Variants in WASHC2C observed in about 807,000 individuals in gnomAD.
The protein encoded by WASHC2C is Vaccinia Penetration Factor.
In WASHC2C, 73 loss-of-function variants were observed where a neutral mutation model predicts 142.2. The observed-to-expected ratio is 0.51, with a 90% CI of 0.43 to 0.62. WASHC2C has a LOEUF of 0.62. WASHC2C is among the 20% of genes least tolerant of loss of function. The probability of loss-of-function intolerance (pLI) is 0.00; values close to 1 mark genes in which losing one functional copy is unlikely to be tolerated. For missense variants in WASHC2C, 969 were observed against 1,531.7 expected (o/e 0.63, Z 6.13); for synonymous variants, 337 against 565.5 (o/e 0.60, Z 5.73).
At chr10:45,758,855 T>C (rs1379312654) in intron 16 of WASHC2C, among the ~76,000 whole-genome samples, 1 of 149,714 alleles carries the variant, frequency 6.7e-6, no homozygotes, top group Non-Finnish European at 1.5e-5. Flanking sequence ...ATTTGGCCAG[T>C]GTGTGTGTCC....
At chr10:45,762,908 A>G (rs1433200396) in intron 17 of WASHC2C, among the ~76,000 whole-genome samples, 2 of 152,228 alleles carry the variant, frequency 1.3e-5, no homozygotes, top group African/African-American at 4.8e-5. Context: ...TCTGCCTCAA[A>G]AAAAAGAAAA....
chr10:45,731,356 G>A (rs2050558078), intron 3 of WASHC2C, among the ~76,000 whole-genome samples: 1 of 128,426 alleles, frequency 7.8e-6, no homozygotes, highest in African/African-American at 3.1e-5. Flanking sequence ...ATGTAGTTGG[G>A]ATTACAGGCT....
At chr10:45,780,571 A>G (rs1355850163) in intron 23 of WASHC2C, among the ~76,000 whole-genome samples, 1 of 152,196 alleles carries the variant, frequency 6.6e-6, no homozygotes, top group Non-Finnish European at 1.5e-5. Flanking sequence ...AAATGAAGCA[A>G]TCTGTATTTG....
chr10:45,779,983 CAAAAA>C (rs1212129330), intron 23 of WASHC2C, among the ~76,000 whole-genome samples: 2 of 68,996 alleles, frequency 2.9e-5, no homozygotes, highest in African/African-American at 5.2e-5. Flanking sequence ...GACTCCATCT[CAAAAA>C]AAAAAAAAAA....
rs1589974572 is a variant in WASHC2C, at chr10:45,788,970, A to G, written c.3187A>G (p.Arg1063Gly). The change falls in exon 29 of 31, where the codon AGA becomes GGA. Residue 1063 changes from arginine (R) to glycine (G), a missense_variant. Arg to Gly is a moderately radical substitution (Grantham distance 125). Transcript: ENST00000623400. ...CGAGGCTGAGGACATGAGCGTCCCCAGAGGACCCATTGCACAGTGGGCTGA... is the reference window on the plus strand; with the variant it reads ...CGAGGCTGAGGACATGAGCGTCCCCGGAGGACCCATTGCACAGTGGGCTGA... ...SSEAEDMSVP[R>G]GPIAQWADGA... 5.0e-6 allele frequency: 8 copies of G among 1,611,934 alleles called. No individual in the cohort carries two copies. In the East Asian group the frequency reaches 1.8e-4, roughly 36 times the overall value.
intron 19 of WASHC2C, among the ~76,000 whole-genome samples, chr10:45,766,895 T>C (rs1345342594): frequency 2.0e-5 from 3 of 152,196 alleles, no homozygotes; most frequent in African/African-American, 7.2e-5. Context: ...GAAGTGGATA[T>C]ATAAGTCATA....
At chr10:45,740,947 C>T (rs1256542855) in intron 5 of WASHC2C, among the ~76,000 whole-genome samples, 1 of 151,698 alleles carries the variant, frequency 6.6e-6, no homozygotes, top group African/African-American at 2.4e-5. Flanking sequence ...TGCCACAGAA[C>T]CAAACCCTTT....
At chr10:45,749,836 A>AAAAAAAATAT (rs1227809519) in intron 8 of WASHC2C, among the ~76,000 whole-genome samples, 1,378 of 101,498 alleles carry the variant, frequency 0.014, 12 homozygotes, top group East Asian at 0.045. Context: ...AAAAAAAAAA[A>AAAAAAAATAT]ATATATATAT....
intron 7 of WASHC2C, among the ~76,000 whole-genome samples, chr10:45,745,711 T>C (rs1350778706): frequency 6.6e-6 from 1 of 151,990 alleles, no homozygotes; most frequent in Non-Finnish European, 1.5e-5. Flanking sequence ...ACTTCATCAA[T>C]AGTTGCTCGT....
rs1163127472 is a variant in WASHC2C, at chr10:45,784,319, CAT to C, written c.2479-233_2479-232del. Among the ~76,000 whole-genome samples the C allele has an allele frequency of 6.3e-3, 601 of 95,036 alleles. 5 individuals are homozygous for C. Among genetic ancestry groups the C allele is most frequent in the African/African-American group, 0.024 (537 of 22,120 alleles). 62.3% of individuals were successfully genotyped at this position (95,036 alleles called of 152,430 possible). A position where few individuals can be genotyped will look rare whatever the true frequency, so the allele number is the denominator to read the frequency against. On this transcript the variant is annotated intron_variant, in intron 23 of 30. Transcript: ENST00000623400. ...ATATATATATATATATATACACACA[CAT>C]ATATATATATATGTAAACTTTGTAT...
chr10:45,786,824 G>GCGTCTTTAACATCTATTCTTTGAGCC (rs2058079206), intron 27 of WASHC2C, 150 bp downstream of exon 27: 1 of 1,524,072 alleles, frequency 6.6e-7, no homozygotes, highest in Non-Finnish European at 9.0e-7. Flanking sequence ...CCTGTGTGCT[G>GCGTCTTTAACATCTATTCTTTGAGCC]CGTCTTTAAC....
intron 23 of WASHC2C, among the ~76,000 whole-genome samples, chr10:45,779,758 G>C (rs1360541763): frequency 6.6e-6 from 1 of 152,030 alleles, no homozygotes; most frequent in Non-Finnish European, 1.5e-5. Flanking sequence ...AGGCCAAGGT[G>C]GGTGGATCAC....
At position 45,765,921 on chromosome 10, in the gene WASHC2C, A is replaced by G. The variant is rs1467462068; in HGVS notation, c.1869+111A>G. 5 of 1,455,796 alleles carry G rather than the reference A, an allele frequency of 3.4e-6. No individual in the cohort carries two copies. In the Admixed American group the frequency reaches 6.6e-5, roughly 19 times the overall value. The allele number at this position is 1,455,796 out of a possible 1,614,324, so 90.2% of individuals were successfully genotyped here. ...TTATATCTCGTGATGTTCAGTCACC[A>G]AAGGCGATGTTCACAAGATTGTCTT... On this transcript the variant is annotated intron_variant, in intron 19 of 30. Coordinates refer to ENST00000623400, the MANE Select transcript of WASHC2C (RefSeq NM_001330074.2).
intron 25 of WASHC2C, 112 bp downstream of exon 25, chr10:45,785,013 G>C: frequency 6.2e-7 from 1 of 1,606,290 alleles, no homozygotes; most frequent in African/African-American, 1.3e-5. Flanking sequence ...GCTGCTTCCT[G>C]CTAAATGAAT....
At chr10:45,738,326 A>C (rs1305410795) in intron 4 of WASHC2C, among the ~76,000 whole-genome samples, 6 of 151,162 alleles carry the variant, frequency 4.0e-5, no homozygotes, top group Admixed American at 1.3e-4. Flanking sequence ...TTGGAGGGTC[A>C]CAGAGGTCAT....
intron 21 of WASHC2C, among the ~76,000 whole-genome samples, chr10:45,775,125 G>A (rs1307297145): frequency 7.1e-6 from 1 of 140,476 alleles, no homozygotes. Context: ...TACCCATATG[G>A]CCAAGATGCA....
chr10:45,756,885 A>C (rs1446626151), intron 15 of WASHC2C, 127 bp from the exon 16 acceptor site: 10 of 763,854 alleles, frequency 1.3e-5, no homozygotes, highest in Non-Finnish European at 2.1e-5. Context: ...CTATTTCTTT[A>C]TAACTAATCA....
At chr10:45,748,937 G>A (rs2053191789) in intron 8 of WASHC2C, among the ~76,000 whole-genome samples, 1 of 152,112 alleles carries the variant, frequency 6.6e-6, no homozygotes, top group Admixed American at 6.6e-5. Flanking sequence ...AAACACATCT[G>A]TTTCCATAGA....
chr10:45,789,382 C>G lies in WASHC2C; in HGVS notation c.3599C>G (p.Pro1200Arg), dbSNP rs2058261128. 9.9e-6 allele frequency: 16 copies of G among 1,611,966 alleles called. No homozygotes were observed. Among genetic ancestry groups the G allele is most frequent in the Non-Finnish European group, 1.3e-5 (15 of 1,179,882 alleles). Residue 1200 changes from proline (P) to arginine (R), a missense_variant, in exon 29 of 31, where the codon CCT becomes CGT. Transcript: ENST00000623400. ...CCAGCAAAGAAAACAAATCCCTTTCCTCTCCTGGAAGATGAGGATGACCTC... is the reference window on the plus strand; with the variant it reads ...CCAGCAAAGAAAACAAATCCCTTTCGTCTCCTGGAAGATGAGGATGACCTC... Reference protein sequence around the residue: ...PKPAKKTNPFPLLEDEDDLFT... With the variant: ...PKPAKKTNPFRLLEDEDDLFT...
Sources: gnomAD v4.1 joint callset for allele counts (sites outside exome capture counted in the v4.1 genomes callset) on GRCh38, gnomAD v4.1.1 for gene constraint, MANE v1.5 for transcripts, NCBI Gene and HGNC (gene_info 2026-07-23, HGNC 2026-07-21) for gene names.